Variants in CEP164 observed in about 807,000 individuals in gnomAD.
CEP164 encodes centrosomal protein of 164 kDa.
A neutral mutation model predicts 182.7 loss-of-function variants in CEP164; 162 were observed. The ratio of observed to expected loss-of-function variants is 0.89; its 90% CI spans 0.78 to 1.01. The LOEUF is 1.01. Ranked by LOEUF, CEP164 falls within the 50% of genes least tolerant of loss-of-function variation. CEP164 has a pLI of 0.00. For missense variants in CEP164, 1,735 were observed against 1,790.4 expected, an observed-to-expected ratio of 0.97 and a Z score of 0.56; for synonymous variants, 661 against 690.0, an observed-to-expected ratio of 0.96 and a Z score of 0.66.
intron 15 of CEP164, among the ~76,000 whole-genome samples, chr11:117,389,188 C>T (rs117740883): frequency 0.016 from 2,377 of 152,188 alleles, 23 homozygotes; most frequent in Non-Finnish European, 0.025. Context: ...AATTGTCTTC[C>T]GAATCACGTT....
intron 27 of CEP164, among the ~76,000 whole-genome samples, chr11:117,405,280 G>A (rs2046547729): frequency 6.6e-6 from 1 of 152,206 alleles, no homozygotes; most frequent in African/African-American, 2.4e-5. Flanking sequence ...GGCCCTGGTG[G>A]TGTAGGCACC....
At chr11:117,365,201 G>C (rs2041482234) in intron 8 of CEP164, among the ~76,000 whole-genome samples, 1 of 152,242 alleles carries the variant, frequency 6.6e-6, no homozygotes, top group African/African-American at 2.4e-5. Context: ...GAATGAGCAA[G>C]TTGAGGCTGG....
At chr11:117,324,535 T>C (rs957586781), upstream of CEP164, among the ~76,000 whole-genome samples, 5 of 152,078 alleles carry the variant, frequency 3.3e-5, no homozygotes, top group African/African-American at 1.2e-4. Context: ...ATTTTATAAA[T>C]TGGCTTGCAT....
Position 117,390,850 on chromosome 11 carries a change from C to T in CEP164, c.2008C>T (p.Leu670=). 1 of 1,613,766 alleles carries T rather than the reference C, an allele frequency of 6.2e-7. No homozygotes were observed. Among genetic ancestry groups the T allele is most frequent in the Non-Finnish European group, 8.5e-7 (1 of 1,179,978 alleles). Residue 670 remains leucine (L), a synonymous_variant, in exon 16 of 33, where the codon CTA becomes TTA. Transcript: ENST00000278935. ...ARMREEESQR[L]SWLRAQVQSS... The stretch of plus-strand genomic sequence containing the variant: ...GATGAGAGAGGAGGAAAGCCAGAGG[C>T]TATCCTGGCTCCGAGCTCAGGTCCA...
chr11:117,364,706 C>G (rs1418608652), intron 8 of CEP164, among the ~76,000 whole-genome samples: 1 of 152,044 alleles, frequency 6.6e-6, no homozygotes, highest in Non-Finnish European at 1.5e-5. Context: ...CTATGTTTCC[C>G]AGGCTGGTCT....
chr11:117,322,337 G>A (rs912314641), intron 1 of CEP164, among the ~76,000 whole-genome samples: 4 of 151,968 alleles, frequency 2.6e-5, no homozygotes, highest in Non-Finnish European at 5.9e-5. Context: ...GGATGGTCTC[G>A]ATCTCCTGAC....
chr11:117,393,123 T>A lies in CEP164; in HGVS notation c.2613T>A (p.Ala871=), dbSNP rs768196435. 2 of 1,612,458 alleles carry A rather than the reference T, an allele frequency of 1.2e-6. No individual in the cohort carries two copies. Among genetic ancestry groups the A allele is most frequent in the Non-Finnish European group, 8.5e-7 (1 of 1,179,314 alleles). The change falls in exon 20 of 33, where the codon GCT becomes GCA. Residue 871 remains alanine (A), a synonymous_variant. Coordinates refer to ENST00000278935, the MANE Select transcript of CEP164 (RefSeq NM_014956.5). ...VMAKAREQYE[A]EERKQRAELL... is the part of the protein sequence containing the mutation. ...CTAAGGCCAGAGAGCAGTATGAAGCTGAGGTAGCTCAGCCACATCCCCTGC... is the reference window on the plus strand; with the variant it reads ...CTAAGGCCAGAGAGCAGTATGAAGCAGAGGTAGCTCAGCCACATCCCCTGC...
chr11:117,395,152 G>T lies in CEP164; in HGVS notation c.2874G>T (p.Gln958His). 1 of 1,614,162 alleles carries T rather than the reference G, an allele frequency of 6.2e-7. No homozygotes were observed. The highest frequency in any genetic ancestry group is 8.5e-7 in the Non-Finnish European group (1 of 1,180,042). The change falls in exon 23 of 33, where the codon CAG becomes CAT. Residue 958 changes from glutamine to histidine, a missense_variant. Physicochemically the swap from Gln to His is conservative, Grantham distance 24 (BLOSUM62 0). Transcript: ENST00000278935. ...QEETARREKQ[Q>H]LLDVQRQVAL... ...AGACCGCCCGGAGGGAGAAGCAGCA[G>T]CTGCTTGATGTGCAGAGGCAGGTTG...
chr11:117,404,979 G>T (rs1219238144), intron 27 of CEP164, among the ~76,000 whole-genome samples: 1 of 152,178 alleles, frequency 6.6e-6, no homozygotes, highest in Non-Finnish European at 1.5e-5. Flanking sequence ...GTAATGGCAA[G>T]CCTTAGTAAT....
chr11:117,329,305 T>G (rs1437956201), intron 1 of CEP164, among the ~76,000 whole-genome samples: 1 of 152,162 alleles, frequency 6.6e-6, no homozygotes, highest in Admixed American at 6.5e-5. Flanking sequence ...GCCAGTCTCC[T>G]TTGTGAAATC....
chr11:117,393,825 C>CT (rs2045052395), intron 20 of CEP164, among the ~76,000 whole-genome samples: 1 of 152,204 alleles, frequency 6.6e-6, no homozygotes, highest in South Asian at 2.1e-4. Context: ...GCTGGCCTGC[C>CT]TTGCTCACAT....
chr11:117,395,913 G>A (rs1026619174), intron 24 of CEP164, 141 bp from the exon 25 acceptor site: 15 of 1,259,824 alleles, frequency 1.2e-5, no homozygotes, highest in Non-Finnish European at 1.5e-5. Context: ...GGGGATCTCT[G>A]GTGCTATTGT....
chr11:117,337,514 A>C (rs1478032250), intron 2 of CEP164, among the ~76,000 whole-genome samples: 1 of 151,798 alleles, frequency 6.6e-6, no homozygotes, highest in East Asian at 1.9e-4. Flanking sequence ...TCTCTGTAAA[A>C]AAAAAAAAAA....
chr11:117,359,350 G>T, intron 5 of CEP164: 1 of 876,048 alleles, frequency 1.1e-6, no homozygotes, highest in Non-Finnish European at 1.4e-6. Context: ...GACATTGTAC[G>T]GAAGGTGTTT....
intron 8 of CEP164, among the ~76,000 whole-genome samples, chr11:117,364,599 T>C (rs928900133): frequency 5.9e-5 from 9 of 151,450 alleles, no homozygotes; most frequent in African/African-American, 2.2e-4. Flanking sequence ...GGTGTCACTC[T>C]GTTGCCCAGG....
chr11:117,410,248 G>A (rs1162180817), intron 30 of CEP164: 3 of 566,522 alleles, frequency 5.3e-6, no homozygotes, highest in African/African-American at 3.8e-5. Flanking sequence ...GTGGATTCTG[G>A]AGCTCAGTAG....
At chr11:117,410,144 C>T (rs1293300528) in intron 30 of CEP164, 179 bp downstream of exon 30, 1 of 732,750 alleles carries the variant, frequency 1.4e-6, no homozygotes, top group South Asian at 1.5e-5. Context: ...ACCTGTGGGT[C>T]CCTGGGGAAG....
intron 8 of CEP164, among the ~76,000 whole-genome samples, chr11:117,369,950 G>C (rs2042035675): frequency 6.6e-6 from 1 of 152,214 alleles, no homozygotes; most frequent in Non-Finnish European, 1.5e-5. Flanking sequence ...CTCCAGCACT[G>C]ACCTTTCTAT....
intron 8 of CEP164, among the ~76,000 whole-genome samples, chr11:117,370,818 C>T (rs1467518403): frequency 2.6e-5 from 4 of 151,696 alleles, no homozygotes; most frequent in African/African-American, 4.8e-5. Context: ...GGCTGAGGGA[C>T]GAGAATCGCT....
Sources: gnomAD v4.1 joint callset for allele counts (sites outside exome capture counted in the v4.1 genomes callset) on GRCh38, gnomAD v4.1.1 for gene constraint, MANE v1.5 for transcripts, NCBI Gene and HGNC (gene_info 2026-07-23, HGNC 2026-07-21) for gene names.